Variants in ZBTB20 observed in about 807,000 individuals in gnomAD.
ZBTB20 encodes zinc finger and BTB domain containing 20.
Under a neutral mutation model 56.9 loss-of-function variants are expected in ZBTB20, and 9 were observed. The ratio of observed to expected loss-of-function variants is 0.16; its 90% confidence interval spans 0.10 to 0.28. ZBTB20 has a LOEUF of 0.28. ZBTB20 is among the 10% of genes least tolerant of loss of function. The pLI, the probability that ZBTB20 is intolerant of heterozygous loss-of-function variation, is 1.00. For synonymous variants in ZBTB20, 417 were observed against 420.7 expected, an observed-to-expected ratio of 0.99 and a Z score of 0.11; for missense variants, 655 against 1,003.0, an observed-to-expected ratio of 0.65 and a Z score of 4.69.
chr3:114,672,641 T>C (rs966303125), intron 6 of ZBTB20, among the ~76,000 whole-genome samples: 1 of 152,166 alleles, frequency 6.6e-6, no homozygotes, highest in African/African-American at 2.4e-5. Flanking sequence ...AACTGTTCTC[T>C]CCTTTCCTTT....
At chr3:114,435,729 T>A (rs1473347752) in intron 7 of ZBTB20, among the ~76,000 whole-genome samples, 1 of 152,206 alleles carries the variant, frequency 6.6e-6, no homozygotes, top group Non-Finnish European at 1.5e-5. Flanking sequence ...GGTTACATAT[T>A]ATTTGAATAT....
chr3:114,513,629 G>GT (rs985314382), intron 6 of ZBTB20, among the ~76,000 whole-genome samples: 13 of 152,272 alleles, frequency 8.5e-5, no homozygotes, highest in African/African-American at 3.1e-4. Flanking sequence ...TTTTCTGGCA[G>GT]TAAGAGGAAT....
At chr3:114,759,256 G>A (rs926765817) in intron 5 of ZBTB20, 2 of 152,128 alleles carry the variant, frequency 1.3e-5, no homozygotes, top group African/African-American at 4.8e-5. Context: ...AATGCAGTGA[G>A]GCTGGGAGGC....
At chr3:114,628,880 T>C (rs2058783393) in intron 6 of ZBTB20, among the ~76,000 whole-genome samples, 1 of 152,184 alleles carries the variant, frequency 6.6e-6, no homozygotes, top group Admixed American at 6.5e-5. Flanking sequence ...ACTTTGGTTC[T>C]GGGGATTTGA....
chr3:114,834,317 A>G (rs767406685), intron 4 of ZBTB20, among the ~76,000 whole-genome samples: 1 of 152,166 alleles, frequency 6.6e-6, no homozygotes, highest in Non-Finnish European at 1.5e-5. Context: ...TTATGACAAA[A>G]CCAGAGACAA....
intron 5 of ZBTB20, among the ~76,000 whole-genome samples, chr3:114,701,596 A>G (rs2063388806): frequency 6.6e-6 from 1 of 152,224 alleles, no homozygotes; most frequent in South Asian, 2.1e-4. Flanking sequence ...TAGATTAGCA[A>G]CATAGTTAAA....
At chr3:115,092,707 A>C (rs1381147086) in intron 1 of ZBTB20, among the ~76,000 whole-genome samples, 1 of 152,038 alleles carries the variant, frequency 6.6e-6, no homozygotes, top group Non-Finnish European at 1.5e-5. Flanking sequence ...GCTGCACTTC[A>C]TTCCATTAAA....
intron 7 of ZBTB20, among the ~76,000 whole-genome samples, chr3:114,392,996 T>A (rs2086016241): frequency 6.6e-6 from 1 of 152,206 alleles, no homozygotes; most frequent in African/African-American, 2.4e-5. Context: ...CAAGACCTCA[T>A]CTGCATCTCC....
At chr3:115,113,746 C>G (rs574375805) in intron 1 of ZBTB20, among the ~76,000 whole-genome samples, 17 of 152,194 alleles carry the variant, frequency 1.1e-4, no homozygotes, top group Admixed American at 5.9e-4. Flanking sequence ...GTGATTCCAA[C>G]AGCCACAGCA....
chr3:114,912,513 G>A (rs1239781333), intron 3 of ZBTB20, among the ~76,000 whole-genome samples: 1 of 151,750 alleles, frequency 6.6e-6, no homozygotes, highest in South Asian at 2.1e-4. Context: ...TGGGGTACAT[G>A]AGATATTTTG....
intron 3 of ZBTB20, among the ~76,000 whole-genome samples, chr3:114,928,932 A>T (rs2076255927): frequency 6.6e-6 from 1 of 152,236 alleles, no homozygotes; most frequent in South Asian, 2.1e-4. Context: ...ATTCACTCAG[A>T]TAAACATTTA....
chr3:114,576,483 CAG>C, intron 6 of ZBTB20, among the ~76,000 whole-genome samples: 1 of 91,744 alleles, frequency 1.1e-5, no homozygotes, highest in Non-Finnish European at 2.0e-5. Context: ...GCCTGGGTGA[CAG>C]AGCAAGACTC....
intron 6 of ZBTB20, among the ~76,000 whole-genome samples, chr3:114,571,308 C>A (rs531690618): frequency 1.3e-5 from 2 of 152,280 alleles, no homozygotes; most frequent in African/African-American, 4.8e-5. Context: ...CTATAAAAAA[C>A]AAGAGATATA....
intron 3 of ZBTB20, chr3:114,930,844 GC>G: frequency 3.5e-6 from 1 of 284,964 alleles, no homozygotes; most frequent in Non-Finnish European, 7.1e-6. Flanking sequence ...TGATGATGTT[GC>G]AGCAGAAAAG....
At chr3:114,421,821 T>TA (rs35156600) in intron 7 of ZBTB20, among the ~76,000 whole-genome samples, 1 of 151,374 alleles carries the variant, frequency 6.6e-6, no homozygotes, top group Non-Finnish European at 1.5e-5. Flanking sequence ...TTTTTTTTTT[T>TA]AACTCTGCGT....
chr3:114,574,382 T>C (rs2053776211), intron 6 of ZBTB20, among the ~76,000 whole-genome samples: 1 of 152,228 alleles, frequency 6.6e-6, no homozygotes, highest in African/African-American at 2.4e-5. Context: ...TGCAGAATTT[T>C]GTGTCAATAT....
chr3:114,467,111 A>G (rs1290043347), intron 7 of ZBTB20, among the ~76,000 whole-genome samples: 1 of 152,224 alleles, frequency 6.6e-6, no homozygotes, highest in Non-Finnish European at 1.5e-5. Context: ...TCTGGGGTCA[A>G]TTTGACTAGC....
rs115475212 is a variant in ZBTB20, at chr3:114,328,878, G to C, written c.*10127C>G. The C allele has an allele frequency of 1.3e-5, 2 of 152,068 alleles. No homozygotes were observed. Among genetic ancestry groups the C allele is most frequent in the Non-Finnish European group, 2.9e-5 (2 of 67,986 alleles). The allele number at this position is 152,068 out of a possible 1,614,324, so 9.4% of individuals were successfully genotyped here. ...TCTTCAAGAGAAACAAGAAATAAAGGGAAAGGGTTAGGAAAAGGAAAGAGG... is the reference window on the plus strand; with the variant it reads ...TCTTCAAGAGAAACAAGAAATAAAGCGAAAGGGTTAGGAAAAGGAAAGAGG... On this transcript the variant is annotated 3_prime_UTR_variant, in exon 12 of 12. Coordinates refer to ENST00000675478, the MANE Select transcript of ZBTB20 (RefSeq NM_001348800.3).
At chr3:114,544,463 TTCTTTCTTTC>T (rs2049575940) in intron 6 of ZBTB20, among the ~76,000 whole-genome samples, 1 of 120,824 alleles carries the variant, frequency 8.3e-6, no homozygotes, top group Non-Finnish European at 1.8e-5. Flanking sequence ...CTTTCTTTCT[TTCTTTCTTTC>T]TTTCTTTTTC....
Sources: gnomAD v4.1 joint callset for allele counts (sites outside exome capture counted in the v4.1 genomes callset) on GRCh38, gnomAD v4.1.1 for gene constraint, MANE v1.5 for transcripts, NCBI Gene and HGNC (gene_info 2026-07-23, HGNC 2026-07-21) for gene names.